PTPRT: variants seen among roughly 807,000 people sequenced by gnomAD.
PTPRT encodes receptor-type tyrosine-protein phosphatase T.
Under a neutral mutation model 176.8 loss-of-function variants are expected in PTPRT, and 56 were observed. The observed-to-expected ratio is 0.32, with a 90% CI of 0.26 to 0.40. The LOEUF is 0.40. Ranked by LOEUF, PTPRT falls within the 10% of genes least tolerant of loss-of-function variation. The pLI is 1.00. For synonymous variants in PTPRT, 783 were observed against 739.0 expected, an observed-to-expected ratio of 1.06 and a Z score of -0.96; for missense variants, 1,540 against 1,908.2, an observed-to-expected ratio of 0.81 and a Z score of 3.60.
At chr20:42,679,762 T>C (rs1217468750) in intron 6 of PTPRT, among the ~76,000 whole-genome samples, 3 of 152,172 alleles carry the variant, frequency 2.0e-5, no homozygotes, top group Non-Finnish European at 4.4e-5. Context: ...TTGTCTTTAA[T>C]ATTTGCATAA....
intron 7 of PTPRT, among the ~76,000 whole-genome samples, chr20:42,536,365 C>T (rs184368052): frequency 1.3e-5 from 2 of 152,240 alleles, no homozygotes; most frequent in East Asian, 1.9e-4. Flanking sequence ...ATGATGTACC[C>T]ATTGGCAGAT....
chr20:42,097,505 C>A (rs2425472), intron 27 of PTPRT, among the ~76,000 whole-genome samples: 104,088 of 151,974 alleles, frequency 0.68, 36,347 homozygotes, highest in African/African-American at 0.82. Context: ...GGGCAGAATT[C>A]ATTGCTCCCT....
chr20:43,042,898 TCTC>T (rs1986678024), intron 1 of PTPRT, among the ~76,000 whole-genome samples: 4 of 152,110 alleles, frequency 2.6e-5, no homozygotes, highest in South Asian at 2.1e-4. Flanking sequence ...TCTTTGCTAT[TCTC>T]CTCCTATTTT....
intron 13 of PTPRT, among the ~76,000 whole-genome samples, chr20:42,268,854 T>G (rs1471991126): frequency 6.6e-6 from 1 of 152,140 alleles, no homozygotes; most frequent in African/African-American, 2.4e-5. Flanking sequence ...CCAATCTCCT[T>G]TACTGGGCGG....
intron 9 of PTPRT, among the ~76,000 whole-genome samples, chr20:42,370,332 T>C (rs1333200272): frequency 6.6e-6 from 1 of 152,188 alleles, no homozygotes; most frequent in Admixed American, 6.5e-5. Context: ...TCAGTACCTG[T>C]GCCAGGTGTC....
In PTPRT at chr20:42,483,956, A is replaced by G. The variant is rs370535286; in HGVS notation, c.1154-11394T>C. ...TTCAGCATCAGGTATCCAAGTAGCC[A>G]GTTCATTCTGTCACAGCATTTGGAT... On this transcript the variant is annotated intron_variant, in intron 7 of 30. Transcript: ENST00000373187. 5.3e-5 allele frequency among the ~76,000 whole-genome samples: 8 copies of G among 152,338 alleles called. No individual in the cohort carries two copies. In the East Asian group the frequency reaches 1.5e-3, roughly 29 times the overall value.
At chr20:42,873,685 A>C (rs1441345853) in intron 2 of PTPRT, among the ~76,000 whole-genome samples, 2 of 147,858 alleles carry the variant, frequency 1.4e-5, no homozygotes, top group Non-Finnish European at 3.1e-5. Context: ...TGATTTTTTC[A>C]TACTAAGTTT....
At chr20:42,677,075 G>A (rs571148063) in intron 7 of PTPRT, among the ~76,000 whole-genome samples, 1 of 152,278 alleles carries the variant, frequency 6.6e-6, no homozygotes, top group South Asian at 2.1e-4. Context: ...CAGACTCTTA[G>A]GTAGGGATAG....
At chr20:42,111,776 C>T (rs1427704024) in intron 22 of PTPRT, among the ~76,000 whole-genome samples, 1 of 152,162 alleles carries the variant, frequency 6.6e-6, no homozygotes, top group Non-Finnish European at 1.5e-5. Flanking sequence ...TGTAAAGGGA[C>T]CATGTGAACC....
Position 42,350,240 on chromosome 20 carries a change from T to G in PTPRT, c.1865+388A>C, listed in dbSNP as rs1167499933. ...TTTTTTTTTTTTTTTTTTTTTTTTT[T>G]TTTTTTGAGACAGGGTCTCACTTTG... On this transcript the variant is annotated intron_variant, in intron 11 of 30. Coordinates refer to ENST00000373187, the MANE Select transcript of PTPRT (RefSeq NM_007050.6). Among the ~76,000 whole-genome samples the G allele has an allele frequency of 9.1e-4, 134 of 146,906 alleles. 4 individuals carry two copies. Among genetic ancestry groups the G allele is most frequent in the African/African-American group, 3.3e-3 (131 of 39,794 alleles).
At chr20:43,082,228 T>C (rs2011463553) in intron 1 of PTPRT, among the ~76,000 whole-genome samples, 2 of 152,132 alleles carry the variant, frequency 1.3e-5, no homozygotes, top group African/African-American at 4.8e-5. Context: ...AGATTAACCA[T>C]TTATTCTGTA....
chr20:42,300,500 T>A (rs772235704), intron 12 of PTPRT, among the ~76,000 whole-genome samples: 22 of 151,986 alleles, frequency 1.4e-4, no homozygotes, highest in Non-Finnish European at 2.6e-4. Flanking sequence ...CATTTCAGAA[T>A]GACAAAAGAA....
At chr20:42,752,123 T>G (rs1025180267) in intron 6 of PTPRT, among the ~76,000 whole-genome samples, 1 of 152,082 alleles carries the variant, frequency 6.6e-6, no homozygotes, top group Admixed American at 6.6e-5. Context: ...TGACATGATT[T>G]CCCCAAAGCC....
Position 42,472,315 on chromosome 20 carries a change from G to A in PTPRT, c.1401C>T (p.Pro467=), listed in dbSNP as rs375501287. ...GCTCCTCGCTCTCCATTCGGCCCTC[G>A]GGGTTAGACAGCAAGAGTCGCAGCC... ...TIRLRLLLSN[P]EGRMESEELV... The change falls in exon 8 of 31, where the codon CCC becomes CCT. Residue 467 remains proline (P), a synonymous_variant. Coordinates refer to ENST00000373187, the MANE Select transcript of PTPRT (RefSeq NM_007050.6). The A allele has an allele frequency of 9.8e-5, 158 of 1,614,066 alleles. No homozygotes were observed. Among genetic ancestry groups the A allele is most frequent in the South Asian group, 6.6e-4 (60 of 91,080 alleles).
Position 42,074,542 on chromosome 20 carries a change from G to A in PTPRT, c.*6337C>T. On this transcript the variant is annotated 3_prime_UTR_variant, in exon 31 of 31. Transcript: ENST00000373187. ...ATCTCACCACCCAGAGCAGTTCTCA[G>A]ATATAGAAGGAAGCCCCATAATGAT... The A allele has an allele frequency of 2.7e-6, 1 of 376,044 alleles. No homozygotes were observed. 23.3% of individuals were successfully genotyped at this position (376,044 alleles called of 1,614,324 possible).
intron 2 of PTPRT, among the ~76,000 whole-genome samples, chr20:42,840,025 T>C (rs1428100057): frequency 1.3e-5 from 2 of 152,116 alleles, no homozygotes; most frequent in Non-Finnish European, 2.9e-5. Flanking sequence ...ACAAACTGGG[T>C]GACTTAATGC....
At chr20:42,542,124 C>T (rs945712873) in intron 7 of PTPRT, among the ~76,000 whole-genome samples, 7 of 152,258 alleles carry the variant, frequency 4.6e-5, no homozygotes, top group Middle Eastern at 6.8e-3. Context: ...CTTTGCTCTT[C>T]CTCTGCCATG....
At chr20:43,106,915 C>T (rs974127491) in intron 1 of PTPRT, among the ~76,000 whole-genome samples, 4 of 151,998 alleles carry the variant, frequency 2.6e-5, no homozygotes, top group East Asian at 3.9e-4. Context: ...CTCAGCCTCC[C>T]GAGTAGCTGG....
intron 15 of PTPRT, among the ~76,000 whole-genome samples, chr20:42,217,494 C>G (rs2055804516): frequency 6.6e-6 from 1 of 151,680 alleles, no homozygotes; most frequent in South Asian, 2.1e-4. Context: ...ATCCTTTAAT[C>G]CACAATTCCC....
Sources: allele counts gnomAD v4.1 joint callset (sites outside exome capture counted in the v4.1 genomes callset), GRCh38; gene constraint gnomAD v4.1.1; transcripts MANE v1.5; gene names NCBI Gene and HGNC (gene_info 2026-07-23, HGNC 2026-07-21).